The following COL11A1 variants were observed in gnomAD, a reference collection of about 807,000 sequenced individuals.
COL11A1 encodes the protein collagen alpha-1(XI) chain.
Under a neutral mutation model 265.2 loss-of-function variants are expected in COL11A1, and 74 were observed. That is an observed-to-expected ratio of 0.28 (90% confidence interval 0.23 to 0.34). The LOEUF is 0.34. Among genes scored for constraint, COL11A1 ranks in the 10% least tolerant of loss-of-function variants. The probability of loss-of-function intolerance (pLI) is 1.00; values close to 1 mark genes in which losing one functional copy is unlikely to be tolerated. For synonymous variants in COL11A1, 816 were observed against 727.6 expected, an observed-to-expected ratio of 1.12 and a Z score of -1.96; for missense variants, 2,165 against 2,263.6, an observed-to-expected ratio of 0.96 and a Z score of 0.88.
At chr1:102,927,565 C>T (rs1656754388) in intron 46 of COL11A1, among the ~76,000 whole-genome samples, 2 of 152,034 alleles carry the variant, frequency 1.3e-5, no homozygotes, top group South Asian at 4.1e-4. Context: ...ATGGCATGAA[C>T]CTGGGAAGCG....
Position 103,108,090 on chromosome 1 carries a change from G to A in COL11A1, c.89C>T (p.Ala30Val). The part of the protein sequence containing the change: ...TTLALTFLFQ[A>V]REVRGAAPVD... The stretch of plus-strand genomic sequence containing the variant: ...TTTCTTACCTCCTCTGACCTCTCTA[G>A]CTTGGAAGAGGAAGGTCAATGCGAG... Residue 30 changes from alanine (A) to valine (V), a missense_variant, in exon 1 of 67, where the codon GCT (alanine) becomes GTT (valine). By Grantham distance (64) the Ala-to-Val change is moderately conservative. Coordinates refer to ENST00000370096, the MANE Select transcript of COL11A1 (RefSeq NM_001854.4). The A allele has an allele frequency of 1.9e-6, 3 of 1,613,502 alleles. No individual in the cohort carries two copies. In the African/African-American group the frequency reaches 4.0e-5, roughly 22 times the overall value.
intron 29 of COL11A1, 99 bp from the exon 30 acceptor site, chr1:102,987,839 A>T: frequency 1.1e-6 from 1 of 870,318 alleles, no homozygotes; most frequent in East Asian, 2.4e-5. Context: ...TGATATAATA[A>T]ACTCCATCTT....
chr1:103,019,736 C>G (rs1391428790), intron 9 of COL11A1, among the ~76,000 whole-genome samples: 3 of 110,494 alleles, frequency 2.7e-5, no homozygotes. Context: ...TATCCCTCCC[C>G]CCTCCCCCCA....
intron 36 of COL11A1, among the ~76,000 whole-genome samples, chr1:102,971,622 G>A (rs1661986910): frequency 6.6e-6 from 1 of 151,986 alleles, no homozygotes; most frequent in African/African-American, 2.4e-5. Context: ...GTTCCAAAAT[G>A]TTATTTTCTC....
intron 46 of COL11A1, among the ~76,000 whole-genome samples, chr1:102,931,288 T>C (rs1009886140): frequency 6.6e-6 from 1 of 151,584 alleles, no homozygotes; most frequent in Non-Finnish European, 1.5e-5. Context: ...TTCTGGTATA[T>C]TGTGTCTTTG....
intron 1 of COL11A1, among the ~76,000 whole-genome samples, chr1:103,099,266 C>T (rs1367609783): frequency 6.6e-6 from 1 of 151,548 alleles, no homozygotes; most frequent in Non-Finnish European, 1.5e-5. Context: ...CAACTATTGT[C>T]TATTAATCTT....
chr1:103,036,596 A>C (rs913557514), intron 4 of COL11A1, among the ~76,000 whole-genome samples: 1 of 151,770 alleles, frequency 6.6e-6, no homozygotes, highest in Admixed American at 6.6e-5. Context: ...AAATTCAATA[A>C]AAAACTTACA....
chr1:103,047,432 G>A (rs1411480087), intron 4 of COL11A1, among the ~76,000 whole-genome samples: 8 of 152,112 alleles, frequency 5.3e-5, no homozygotes, highest in African/African-American at 1.9e-4. Flanking sequence ...AAGAATGTTT[G>A]TGATTTTTGC....
chr1:102,914,897 A>C, intron 50 of COL11A1, 86 bp from the exon 51 acceptor site: 1 of 1,045,058 alleles, frequency 9.6e-7, no homozygotes. Context: ...TAACCTTGGC[A>C]CACTGGGCCA....
rs559031290 is a variant in COL11A1, at chr1:103,022,752, G to A, written c.1235C>T (p.Thr412Ile). The change falls in exon 8 of 67, where the codon ACA (threonine) becomes ATA (isoleucine). Residue 412 changes from threonine (T) to isoleucine (I), a missense_variant. By Grantham distance (89) the Thr-to-Ile change is moderately conservative (BLOSUM62 -1). Transcript: ENST00000370096. ...GPGVPAETDI[T>I]ETSINGHGAY... The stretch of plus-strand genomic sequence containing the variant: ...ATAGTATCAACTTACGCTTGTTTCT[G>A]TAATATCAGTTTCTGCTGGTACACC... The A allele has an allele frequency of 2.5e-6, 4 of 1,613,588 alleles. No homozygotes were observed. The African/African-American group carries it at 5.3e-5, about 22-fold the overall frequency.
intron 18 of COL11A1, 126 bp from the exon 19 acceptor site, chr1:103,004,787 C>T (rs2101844876): frequency 1.3e-6 from 1 of 753,944 alleles, no homozygotes; most frequent in Non-Finnish European, 2.1e-6. Flanking sequence ...TTTATTTACC[C>T]TCCTCAAAAA....
chr1:103,043,532 T>A (rs1469940709), intron 4 of COL11A1, among the ~76,000 whole-genome samples: 1 of 152,096 alleles, frequency 6.6e-6, no homozygotes. Context: ...ACTCAATAAA[T>A]GATCAATAAA....
At chr1:102,932,879 C>T (rs1261506889) in intron 46 of COL11A1, among the ~76,000 whole-genome samples, 4 of 151,394 alleles carry the variant, frequency 2.6e-5, no homozygotes, top group African/African-American at 4.8e-5. Context: ...TCCAGTTGAT[C>T]GCATCGGCTC....
chr1:103,018,085 C>T (rs1024986969), intron 10 of COL11A1, among the ~76,000 whole-genome samples: 7 of 151,992 alleles, frequency 4.6e-5, no homozygotes, highest in Non-Finnish European at 1.0e-4. Context: ...AGGGTGGAGG[C>T]AAACATTTCA....
chr1:102,914,378 C>T lies in COL11A1; in HGVS notation c.3952G>A (p.Gly1318Ser), dbSNP rs772512103. 6.2e-7 allele frequency: 1 copy of T among 1,608,692 alleles called. No homozygotes were observed. The highest frequency in any genetic ancestry group is 8.5e-7 in the Non-Finnish European group (1 of 1,176,796). The change falls in exon 52 of 67, where the codon GGT becomes AGT. Residue 1318 changes from glycine to serine, a missense_variant. Gly to Ser is a moderately conservative substitution (Grantham distance 56). Coordinates refer to ENST00000370096, the MANE Select transcript of COL11A1 (RefSeq NM_001854.4). ...PGPVGFPGDP[G>S]PPGEPGPAGQ... is the part of the protein sequence containing the mutation. Reference sequence around the variant, plus strand: ...GCAGGGCCAGGTTCCCCAGGAGGACCAGGATCTCCAGGAAAACCAACAGGA... The same window carrying T: ...GCAGGGCCAGGTTCCCCAGGAGGACTAGGATCTCCAGGAAAACCAACAGGA...
At chr1:102,916,834 T>A (rs1471896226) in intron 49 of COL11A1, among the ~76,000 whole-genome samples, 1 of 125,360 alleles carries the variant, frequency 8.0e-6, no homozygotes, top group Non-Finnish European at 1.9e-5. Flanking sequence ...CAAAAAAAAA[T>A]TGCATTTATA....
In COL11A1 at chr1:103,108,231, A is replaced by G; in HGVS notation, c.-53T>C. ...ACTCAACCCACGAAATTGCGACTGC[A>G]GACCAACTTCGTCCTTTCCAAGGTA... On this transcript the variant is annotated 5_prime_UTR_variant, in exon 1 of 67. Coordinates refer to ENST00000370096, the MANE Select transcript of COL11A1 (RefSeq NM_001854.4). 1 of 1,407,898 alleles carries G rather than the reference A, an allele frequency of 7.1e-7. No individual in the cohort carries two copies. Among genetic ancestry groups the G allele is most frequent in the Non-Finnish European group, 1.0e-6 (1 of 994,960 alleles). The allele number at this position is 1,407,898 out of a possible 1,614,324, so 87.2% of individuals were successfully genotyped here. A position where few individuals can be genotyped will look rare whatever the true frequency, so the allele number is the denominator to read the frequency against.
chr1:103,099,734 G>T (rs537200761), intron 1 of COL11A1, among the ~76,000 whole-genome samples: 2 of 151,930 alleles, frequency 1.3e-5, no homozygotes, highest in East Asian at 1.9e-4. Context: ...CAAAGTTTTG[G>T]AGGTAATATA....
intron 4 of COL11A1, among the ~76,000 whole-genome samples, chr1:103,042,578 T>C (rs530046079): frequency 7.0e-4 from 106 of 152,152 alleles, no homozygotes; most frequent in Non-Finnish European, 1.3e-3. Flanking sequence ...CACCAGGAGT[T>C]TGGAAGTTGG....
Sources: allele counts gnomAD v4.1 joint callset (sites outside exome capture counted in the v4.1 genomes callset), GRCh38; gene constraint gnomAD v4.1.1; transcripts MANE v1.5; gene names NCBI Gene and HGNC (gene_info 2026-07-23, HGNC 2026-07-21).